HYCC1: variants seen among roughly 807,000 people sequenced by gnomAD.
HYCC1 encodes the protein hyccin.
the HYCC1 span, among the ~76,000 whole-genome samples, chr7:22,967,620 T>A: frequency 1.9e-3 from 295 of 152,318 alleles, 3 homozygotes; most frequent in African/African-American, 6.9e-3. Context: ...CTGGCTATAT[T>A]GGAAGAGTTC....
At chr7:22,962,938 C>T in the HYCC1 span, among the ~76,000 whole-genome samples, 2 of 152,058 alleles carry the variant, frequency 1.3e-5, no homozygotes, top group East Asian at 1.9e-4. Context: ...AAAAACCCTC[C>T]AGCAATCCAG....
At chr7:22,991,067 C>T in the HYCC1 span, 2 of 1,604,860 alleles carry the variant, frequency 1.2e-6, no homozygotes, top group Non-Finnish European at 1.7e-6. Context: ...TTACCTTAAA[C>T]TCTGACAACC....
chr7:22,985,506 G>T, the HYCC1 span: 1 of 152,120 alleles, frequency 6.6e-6, no homozygotes, highest in Non-Finnish European at 1.5e-5. Context: ...ATATATAAGT[G>T]AATAGAATTT....
chr7:22,896,385 A>G, the HYCC1 span, among the ~76,000 whole-genome samples: 60,393 of 152,102 alleles, frequency 0.4, 12,159 homozygotes, highest in Non-Finnish European at 0.42. Flanking sequence ...AAATTAATTC[A>G]CTCAGAATGA....
the HYCC1 span, among the ~76,000 whole-genome samples, chr7:22,905,178 C>T: frequency 6.6e-6 from 1 of 152,058 alleles, no homozygotes; most frequent in Non-Finnish European, 1.5e-5. Context: ...CCAGGCCCAC[C>T]TCCAACACTG....
At chr7:22,912,576 T>A in the HYCC1 span, among the ~76,000 whole-genome samples, 2 of 152,128 alleles carry the variant, frequency 1.3e-5, no homozygotes, top group South Asian at 4.1e-4. Flanking sequence ...TTGCTCAAGT[T>A]AGCAAGGAGA....
chr7:22,965,146 A>G, the HYCC1 span, among the ~76,000 whole-genome samples: 1 of 150,890 alleles, frequency 6.6e-6, no homozygotes, highest in Non-Finnish European at 1.5e-5. Context: ...AAAAAAAAAA[A>G]AGAAAGAAAG....
chr7:22,977,391 C>T, the HYCC1 span: 5 of 1,595,732 alleles, frequency 3.1e-6, no homozygotes, highest in Non-Finnish European at 4.3e-6. Flanking sequence ...AAACTCAATA[C>T]TTTGGTATGT....
chr7:22,992,792 A>G, the HYCC1 span, among the ~76,000 whole-genome samples: 2 of 152,174 alleles, frequency 1.3e-5, no homozygotes, highest in Non-Finnish European at 2.9e-5. Flanking sequence ...ACACTACATC[A>G]AGTTACATAG....
chr7:22,923,944 G>C, the HYCC1 span, among the ~76,000 whole-genome samples: 2,329 of 147,762 alleles, frequency 0.016, 66 homozygotes, highest in African/African-American at 0.055. Flanking sequence ...ATCACTTGAG[G>C]TCAGGAGTTC....
At chr7:22,933,418 C>A in the HYCC1 span, among the ~76,000 whole-genome samples, 1 of 152,066 alleles carries the variant, frequency 6.6e-6, no homozygotes. Flanking sequence ...TAAAATTTCT[C>A]TTTATCTCTA....
At chr7:22,926,602 G>T in the HYCC1 span, among the ~76,000 whole-genome samples, 1 of 152,118 alleles carries the variant, frequency 6.6e-6, no homozygotes, top group African/African-American at 2.4e-5. Flanking sequence ...TTACATAATG[G>T]TAAAGGGATC....
At chr7:22,963,276 AACTATG>A in the HYCC1 span, among the ~76,000 whole-genome samples, 2 of 152,240 alleles carry the variant, frequency 1.3e-5, no homozygotes, top group Non-Finnish European at 2.9e-5. Context: ...AAATTAAAAT[AACTATG>A]ACTAATATAC....
At chr7:22,916,645 T>C in the HYCC1 span, among the ~76,000 whole-genome samples, 4 of 152,212 alleles carry the variant, frequency 2.6e-5, no homozygotes, top group Non-Finnish European at 5.9e-5. Context: ...CCACCTGATA[T>C]TCACTCCATT....
chr7:22,908,337 C>T, the HYCC1 span, among the ~76,000 whole-genome samples: 5 of 152,200 alleles, frequency 3.3e-5, no homozygotes, highest in African/African-American at 1.2e-4. Flanking sequence ...ATTTAAGTAG[C>T]TTGCTTTGGT....
the HYCC1 span, chr7:22,978,307 C>T: frequency 6.2e-7 from 1 of 1,614,014 alleles, no homozygotes; most frequent in African/African-American, 1.3e-5. Context: ...TCAATGCATC[C>T]ACTGCTATGC....
At chr7:22,995,111 G>C in the HYCC1 span, among the ~76,000 whole-genome samples, 1 of 152,094 alleles carries the variant, frequency 6.6e-6, no homozygotes, top group Admixed American at 6.6e-5. Flanking sequence ...ACACATCCCT[G>C]AAACAAACCA....
At chr7:23,004,104 T>C in the HYCC1 span, among the ~76,000 whole-genome samples, 13 of 152,352 alleles carry the variant, frequency 8.5e-5, no homozygotes, top group African/African-American at 2.9e-4. Context: ...GATAAAGTTT[T>C]CAATAATACT....
the HYCC1 span, among the ~76,000 whole-genome samples, chr7:22,926,811 C>T: frequency 6.6e-6 from 1 of 151,646 alleles, no homozygotes; most frequent in East Asian, 1.9e-4. Flanking sequence ...AGGAATTGAA[C>T]TCAGCTCTGC....
Sources: gnomAD v4.1 joint callset for allele counts (sites outside exome capture counted in the v4.1 genomes callset) on GRCh38, gnomAD v4.1.1 for gene constraint, MANE v1.5 for transcripts, NCBI Gene and HGNC (gene_info 2026-07-23, HGNC 2026-07-21) for gene names.